The following PRIM2 variants were observed in gnomAD, a reference collection of about 807,000 sequenced individuals.
PRIM2 encodes DNA primase subunit 2.
A neutral mutation model predicts 67.3 loss-of-function variants in PRIM2; 39 were observed. The ratio of observed to expected loss-of-function variants is 0.58; its 90% confidence interval spans 0.45 to 0.76. The LOEUF is 0.76. Ranked by LOEUF, PRIM2 falls within the 30% of genes least tolerant of loss-of-function variation. The pLI is 0.00. For synonymous variants in PRIM2, 143 were observed against 198.7 expected (o/e 0.72, Z 2.36); for missense variants, 398 against 598.7 (o/e 0.66, Z 3.50).
At chr6:57,542,783 G>A (rs1206118887) in intron 10 of PRIM2, among the ~76,000 whole-genome samples, 2 of 150,814 alleles carry the variant, frequency 1.3e-5, no homozygotes, top group Non-Finnish European at 3.0e-5. Flanking sequence ...CAGCTATATC[G>A]TTTACATGTT....
chr6:57,494,453 G>T (rs1185469986), intron 7 of PRIM2, among the ~76,000 whole-genome samples: 1 of 152,158 alleles, frequency 6.6e-6, no homozygotes, highest in African/African-American at 2.4e-5. Context: ...AGGAAACAAA[G>T]AATAAGAAAA....
At chr6:57,599,939 C>T (rs1776430458) in intron 10 of PRIM2, among the ~76,000 whole-genome samples, 1 of 152,144 alleles carries the variant, frequency 6.6e-6, no homozygotes, top group Non-Finnish European at 1.5e-5. Flanking sequence ...AGGTGCATGC[C>T]ACCACACACA....
the PRIM2 span, among the ~76,000 whole-genome samples, chr6:57,303,749 G>C: frequency 6.6e-6 from 1 of 152,132 alleles, no homozygotes; most frequent in Non-Finnish European, 1.5e-5. Context: ...CCAAGTAGCT[G>C]TGATTACAGG....
the PRIM2 span, among the ~76,000 whole-genome samples, chr6:57,244,195 A>G: frequency 6.6e-6 from 1 of 152,120 alleles, no homozygotes; most frequent in African/African-American, 2.4e-5. Flanking sequence ...GCACCAACCA[A>G]TCAGAACTAA....
chr6:57,609,429 A>G (rs1222895981), intron 12 of PRIM2, among the ~76,000 whole-genome samples: 1 of 152,242 alleles, frequency 6.6e-6, no homozygotes, highest in Non-Finnish European at 1.5e-5. Flanking sequence ...GTTATAGAAA[A>G]GGTTAGAAAC....
At chr6:57,347,602 C>A (rs5017174) in intron 5 of PRIM2, among the ~76,000 whole-genome samples, 19,556 of 152,122 alleles carry the variant, frequency 0.13, 1,404 homozygotes, top group African/African-American at 0.18. Context: ...GCATGCCACC[C>A]TGCCTGGCTA....
chr6:57,542,137 C>A (rs1251762082), intron 10 of PRIM2, among the ~76,000 whole-genome samples: 37 of 152,064 alleles, frequency 2.4e-4, no homozygotes, highest in African/African-American at 8.0e-4. Flanking sequence ...CCACCATGCT[C>A]AGCTAATTTT....
intron 7 of PRIM2, among the ~76,000 whole-genome samples, chr6:57,497,145 T>C (rs1774021990): frequency 6.6e-6 from 1 of 152,154 alleles, no homozygotes. Flanking sequence ...CAAACGTAAA[T>C]TTTGTATACG....
rs1774798091 is a variant in PRIM2, at chr6:57,528,040, T to C, written c.762-4371T>C. Among the ~76,000 whole-genome samples the C allele has an allele frequency of 2.6e-5, 4 of 152,070 alleles. No homozygotes were observed. In the East Asian group the frequency reaches 5.8e-4, roughly 22 times the overall value. On this transcript the variant is annotated intron_variant, in intron 8 of 13. Coordinates refer to ENST00000615550, the MANE Select transcript of PRIM2 (RefSeq NM_000947.5). ...CTGCAGTGATGTGATCATAAATCAC[T>C]GCAACCTCAAACTCCTAGGCTCAAG...
At chr6:57,232,153 C>T in the PRIM2 span, among the ~76,000 whole-genome samples, 1 of 152,142 alleles carries the variant, frequency 6.6e-6, no homozygotes, top group Non-Finnish European at 1.5e-5. Context: ...TTCCGCAAAA[C>T]AAAACAAGCG....
intron 7 of PRIM2, among the ~76,000 whole-genome samples, chr6:57,425,932 C>A (rs1771609387): frequency 1.3e-5 from 2 of 151,914 alleles, no homozygotes. Flanking sequence ...CAGAAGAGAC[C>A]CTGAACGTAG....
At chr6:57,426,993 G>C (rs1771654041) in intron 7 of PRIM2, among the ~76,000 whole-genome samples, 1 of 152,200 alleles carries the variant, frequency 6.6e-6, no homozygotes, top group Admixed American at 6.5e-5. Context: ...TAAGCTAGTA[G>C]AATGTGATTG....
chr6:57,629,163 CAA>C (rs1440956151), intron 12 of PRIM2, among the ~76,000 whole-genome samples: 6 of 152,214 alleles, frequency 3.9e-5, no homozygotes, highest in African/African-American at 1.4e-4. Context: ...TTTAACAAAA[CAA>C]AGTGCAGAAG....
At chr6:57,243,549 A>ACCT in the PRIM2 span, among the ~76,000 whole-genome samples, 31 of 152,078 alleles carry the variant, frequency 2.0e-4, no homozygotes, top group South Asian at 2.9e-3. Flanking sequence ...GCTCACTGCA[A>ACCT]CCTCCGCCTG....
intron 7 of PRIM2, among the ~76,000 whole-genome samples, chr6:57,418,824 G>C (rs1395689900): frequency 8.5e-5 from 13 of 152,100 alleles, no homozygotes; most frequent in Non-Finnish European, 1.8e-4. Flanking sequence ...ATGCCAGTTA[G>C]AAACTAGATT....
intron 7 of PRIM2, among the ~76,000 whole-genome samples, chr6:57,425,811 G>A (rs1393158210): frequency 6.6e-6 from 1 of 152,036 alleles, no homozygotes; most frequent in Non-Finnish European, 1.5e-5. Context: ...CAGATATAGT[G>A]TACCTTTTTA....
the PRIM2 span, among the ~76,000 whole-genome samples, chr6:57,273,955 C>T: frequency 5.9e-5 from 9 of 152,122 alleles, no homozygotes; most frequent in African/African-American, 2.2e-4. Flanking sequence ...ATTGGTGAAC[C>T]ACAAATGCTG....
the PRIM2 span, among the ~76,000 whole-genome samples, chr6:57,288,886 C>A: frequency 6.6e-6 from 1 of 152,164 alleles, no homozygotes; most frequent in Non-Finnish European, 1.5e-5. Context: ...AAAAACAGCA[C>A]ACCTCTTCTC....
chr6:57,489,286 G>A (rs1206501344), intron 7 of PRIM2, among the ~76,000 whole-genome samples: 2 of 152,276 alleles, frequency 1.3e-5, no homozygotes, highest in African/African-American at 4.8e-5. Context: ...GCCGGGTGCA[G>A]TGGCTTACGC....
Sources: allele counts gnomAD v4.1 joint callset (sites outside exome capture counted in the v4.1 genomes callset), GRCh38; gene constraint gnomAD v4.1.1; transcripts MANE v1.5; gene names NCBI Gene and HGNC (gene_info 2026-07-23, HGNC 2026-07-21).